NCALD: variants seen among roughly 807,000 people sequenced by gnomAD.
NCALD encodes the protein neurocalcin-delta.
NCALD carries 10 observed loss-of-function variants against 18.6 expected under a neutral mutation model. That is an observed-to-expected ratio of 0.54 (90% CI 0.33 to 0.91). The LOEUF (loss-of-function observed/expected upper bound fraction) is 0.91. Ranked by LOEUF, NCALD falls within the 40% of genes least tolerant of loss-of-function variation. NCALD has a pLI of 0.03. For synonymous variants in NCALD, 88 were observed against 87.4 expected (o/e 1.01, Z -0.04); for missense variants, 184 against 247.6 (o/e 0.74, Z 1.72).
chr8:101,758,910 C>T (rs959785022), intron 1 of NCALD, among the ~76,000 whole-genome samples: 2 of 152,286 alleles, frequency 1.3e-5, no homozygotes, highest in South Asian at 2.1e-4. Context: ...TGGAGAGTTG[C>T]ATCACATGTA....
chr8:101,945,699 T>C (rs1199794787), intron 2 of NCALD, among the ~76,000 whole-genome samples: 1 of 152,206 alleles, frequency 6.6e-6, no homozygotes, highest in South Asian at 2.1e-4. Context: ...TTGGTTTTGA[T>C]AGATGTGTCA....
intron 3 of NCALD, among the ~76,000 whole-genome samples, chr8:101,911,329 C>G (rs1817787699): frequency 6.8e-6 from 1 of 147,232 alleles, no homozygotes; most frequent in East Asian, 2.0e-4. Flanking sequence ...AATCCTTCCT[C>G]TTATGAATTT....
chr8:101,857,679 G>A (rs1815375319), intron 4 of NCALD, among the ~76,000 whole-genome samples: 2 of 152,196 alleles, frequency 1.3e-5, no homozygotes, highest in Non-Finnish European at 2.9e-5. Context: ...GGAAGTAAAA[G>A]AAGGAGAACA....
intron 1 of NCALD, among the ~76,000 whole-genome samples, chr8:102,066,261 C>T (rs1283990920): frequency 1.3e-5 from 2 of 152,242 alleles, no homozygotes; most frequent in Non-Finnish European, 2.9e-5. Flanking sequence ...CCTCCTCACT[C>T]AGTCTTCCTG....
intron 1 of NCALD, among the ~76,000 whole-genome samples, chr8:102,108,365 G>A (rs1321961568): frequency 2.0e-5 from 3 of 152,206 alleles, no homozygotes; most frequent in Non-Finnish European, 4.4e-5. Flanking sequence ...GGGCTGAAAA[G>A]TGTAGTTATT....
At position 101,836,826 on chromosome 8, in the gene NCALD, T is replaced by G. The variant is rs566581118; in HGVS notation, c.-20+50315A>C. 2.0e-5 allele frequency among the ~76,000 whole-genome samples: 3 copies of G among 152,326 alleles called. No individual in the cohort carries two copies. In the South Asian group the frequency reaches 6.2e-4, roughly 32 times the overall value. On this transcript the variant is annotated intron_variant, in intron 4 of 6. Coordinates refer to the NCALD transcript ENST00000311028. ...AATCCCCTAATTCTCTGTTTGTGAT[T>G]GTCAGAAAGACTTTAAGTTTTTATG...
At chr8:101,922,394 C>T (rs952106708) in intron 2 of NCALD, among the ~76,000 whole-genome samples, 1 of 152,126 alleles carries the variant, frequency 6.6e-6, no homozygotes, top group Non-Finnish European at 1.5e-5. Flanking sequence ...TTATTGGACA[C>T]GTTTCATTGA....
At chr8:101,835,785 G>A (rs1814388308) in intron 4 of NCALD, among the ~76,000 whole-genome samples, 2 of 150,750 alleles carry the variant, frequency 1.3e-5, no homozygotes, top group Admixed American at 6.6e-5. Flanking sequence ...CCCTGACTCA[G>A]TAGCTACTTT....
chr8:101,790,528 T>C (rs1812406337), intron 1 of NCALD, among the ~76,000 whole-genome samples: 1 of 152,182 alleles, frequency 6.6e-6, no homozygotes. Flanking sequence ...CTGGAGTTTT[T>C]AAACCCAAAA....
At chr8:101,928,228 A>T (rs966508483) in intron 2 of NCALD, among the ~76,000 whole-genome samples, 1 of 152,208 alleles carries the variant, frequency 6.6e-6, no homozygotes, top group Non-Finnish European at 1.5e-5. Context: ...AAGCTTGAAA[A>T]GTTCCCACAG....
intron 1 of NCALD, among the ~76,000 whole-genome samples, chr8:101,769,544 C>T (rs1414526609): frequency 6.6e-6 from 1 of 152,154 alleles, no homozygotes; most frequent in Non-Finnish European, 1.5e-5. Flanking sequence ...CATTGATTCA[C>T]TGACCCACAG....
At chr8:101,894,198 A>T (rs1451990656) in intron 3 of NCALD, among the ~76,000 whole-genome samples, 1 of 132,792 alleles carries the variant, frequency 7.5e-6, no homozygotes, top group Non-Finnish European at 1.5e-5. Flanking sequence ...AGAACTCAGG[A>T]TTAAGAATCT....
intron 2 of NCALD, among the ~76,000 whole-genome samples, chr8:101,940,947 T>A (rs1179082966): frequency 1.3e-5 from 2 of 152,132 alleles, no homozygotes; most frequent in African/African-American, 4.8e-5. Flanking sequence ...TAAGATAAAA[T>A]TAAGAATGCT....
At chr8:101,909,546 G>A (rs1029753196) in intron 3 of NCALD, among the ~76,000 whole-genome samples, 8 of 152,104 alleles carry the variant, frequency 5.3e-5, no homozygotes, top group Non-Finnish European at 1.2e-4. Flanking sequence ...GCCAAGAATT[G>A]CATAAATTAT....
In NCALD at chr8:102,041,983, TAGA is replaced by T. The variant is rs756032897; in HGVS notation, c.-209-21697_-209-21695del. Among the ~76,000 whole-genome samples the T allele has an allele frequency of 4.6e-5, 7 of 152,108 alleles. No homozygotes were observed. The South Asian group carries it at 1.4e-3, about 31-fold the overall frequency. ...ACCCATCAGAGCATTACCTATTGGGTAGAAGGTTTTTAAAACAGGCTTTTCCCC... is the reference window on the plus strand; with the variant it reads ...ACCCATCAGAGCATTACCTATTGGGTAGGTTTTTAAAACAGGCTTTTCCCC... On this transcript the variant is annotated intron_variant, in intron 1 of 6. Coordinates refer to the NCALD transcript ENST00000311028.
Position 102,010,461 on chromosome 8 carries a change from T to C in NCALD, c.-157+9776A>G, listed in dbSNP as rs1348026. On this transcript the variant is annotated intron_variant, in intron 2 of 6. Transcript: ENST00000311028. ...TTAAATTTGGTTTTTTAATTAAAAT[T>C]TTATTCTCTAGTTTTCACTGTGACT... 9.5e-3 allele frequency among the ~76,000 whole-genome samples: 1,442 copies of C among 152,312 alleles called. 49 individuals are homozygous for C. Among genetic ancestry groups the C allele is most frequent in the East Asian group, 0.089 (463 of 5,182 alleles).
chr8:101,770,917 T>C (rs940932911), intron 1 of NCALD, among the ~76,000 whole-genome samples: 4 of 152,200 alleles, frequency 2.6e-5, no homozygotes, highest in Admixed American at 6.5e-5. Context: ...GCCATTGTAT[T>C]TTATGCATTG....
At chr8:101,878,251 C>T (rs915662635) in intron 4 of NCALD, among the ~76,000 whole-genome samples, 11 of 152,210 alleles carry the variant, frequency 7.2e-5, no homozygotes, top group African/African-American at 2.7e-4. Context: ...CTGTTATGTT[C>T]AAACAGCACT....
chr8:101,860,820 C>T (rs113732379), intron 4 of NCALD, among the ~76,000 whole-genome samples: 2 of 152,000 alleles, frequency 1.3e-5, no homozygotes, highest in East Asian at 1.9e-4. Flanking sequence ...ATTGAAAAAT[C>T]GAGAAACAGC....
Sources: gnomAD v4.1 joint callset for allele counts (sites outside exome capture counted in the v4.1 genomes callset) on GRCh38, gnomAD v4.1.1 for gene constraint, MANE v1.5 for transcripts, NCBI Gene and HGNC (gene_info 2026-07-23, HGNC 2026-07-21) for gene names.